Variants in DNAI7 observed in about 807,000 individuals in gnomAD.
The protein encoded by DNAI7 is cancer susceptibility 1.
DNAI7 carries 78 observed loss-of-function variants against 86.6 expected under a neutral mutation model. The observed-to-expected ratio is 0.90, with a 90% CI of 0.75 to 1.09. DNAI7 has a LOEUF of 1.09. DNAI7 is among the 50% of genes least tolerant of loss of function. The pLI is 0.00. For synonymous variants in DNAI7, 274 were observed against 273.0 expected (o/e 1.00, Z -0.04); for missense variants, 753 against 810.2 (o/e 0.93, Z 0.86).
intron 2 of DNAI7, among the ~76,000 whole-genome samples, chr12:25,173,502 G>T (rs987674480): frequency 6.6e-6 from 1 of 152,062 alleles, no homozygotes; most frequent in African/African-American, 2.4e-5. Flanking sequence ...GAAGGCAGGT[G>T]GGAATGCAAA....
Position 25,111,867 on chromosome 12 carries a change from T to C in DNAI7, c.1684A>G (p.Met562Val), listed in dbSNP as rs750110030. ...GCAATAATGAAAGGAATAGGAGTCATCCAGGTTCCTTCCAAAATAGAGATG... is the reference window on the plus strand; with the variant it reads ...GCAATAATGAAAGGAATAGGAGTCACCCAGGTTCCTTCCAAAATAGAGATG... ...KHISILEGTW[M>V]TPIPFIIALK... The change falls in exon 14 of 16, where the codon ATG (methionine) becomes GTG (valine). Residue 562 changes from methionine to valine, a missense_variant. Transcript: ENST00000395987. 3.1e-6 allele frequency: 5 copies of C among 1,607,094 alleles called. No homozygotes were observed. The South Asian group carries it at 5.5e-5, about 18-fold the overall frequency.
At chr12:25,186,226 G>T (rs1213979964) in intron 2 of DNAI7, among the ~76,000 whole-genome samples, 1 of 151,968 alleles carries the variant, frequency 6.6e-6, no homozygotes, top group Non-Finnish European at 1.5e-5. Context: ...ATAGTCTTAC[G>T]CAATTTTCTA....
intron 9 of DNAI7, among the ~76,000 whole-genome samples, chr12:25,141,292 T>A (rs1215115771): frequency 2.0e-5 from 3 of 151,732 alleles, no homozygotes; most frequent in Admixed American, 1.3e-4. Context: ...TGGGAGAAAA[T>A]CTTCACAAAC....
At chr12:25,116,961 G>T (rs1320669510) in intron 12 of DNAI7, among the ~76,000 whole-genome samples, 3 of 152,002 alleles carry the variant, frequency 2.0e-5, no homozygotes, top group African/African-American at 7.2e-5. Flanking sequence ...TTGAGACAGG[G>T]TCTCACTCTG....
Position 25,144,493 on chromosome 12 carries a change from T to A in DNAI7, c.874A>T (p.Lys292Ter). The A allele has an allele frequency of 6.2e-7, 1 of 1,614,178 alleles. No individual in the cohort carries two copies. Among genetic ancestry groups the A allele is most frequent in the Non-Finnish European group, 8.5e-7 (1 of 1,180,014 alleles). Residue 292 changes from lysine (K) to a stop codon, truncating the protein, a stop_gained, in exon 9 of 16, where the codon AAG (lysine) becomes TAG (stop). Coordinates refer to ENST00000395987, the MANE Select transcript of DNAI7 (RefSeq NM_018272.5). LOFTEE classifies it high-confidence loss of function. ...TTGCTGATTGCTTTTTCTACATTCTTAACATCATCTTTGACAAGCTCAGTT... is the reference window on the plus strand; with the variant it reads ...TTGCTGATTGCTTTTTCTACATTCTAAACATCATCTTTGACAAGCTCAGTT... ...AVTELVKDDV[K>*]NVEKAISKEV...
rs375584322 is a variant in DNAI7 at position 25,174,520 on chromosome 12, C to A, written c.22-13323G>T. Among the ~76,000 whole-genome samples, 3 of 17,368 alleles carry A rather than the reference C, an allele frequency of 1.7e-4. 1 individual carries two copies. Among genetic ancestry groups the A allele is most frequent in the East Asian group, 2.4e-3 (2 of 818 alleles). The allele number at this position is 17,368 out of a possible 152,430, so 11.4% of individuals were successfully genotyped here. On this transcript the variant is annotated intron_variant, in intron 2 of 15. Transcript: ENST00000395987. ...TCCCATATATATGGGATATATATATCATATATATCATATATATGGGATATA... is the reference window on the plus strand; with the variant it reads ...TCCCATATATATGGGATATATATATAATATATATCATATATATGGGATATA...
intron 11 of DNAI7, among the ~76,000 whole-genome samples, chr12:25,121,154 G>T (rs1188206267): frequency 6.6e-6 from 1 of 152,196 alleles, no homozygotes; most frequent in East Asian, 1.9e-4. Context: ...TTGAGGTGGG[G>T]CTCATTAATT....
At chr12:25,146,943 T>C in intron 8 of DNAI7, 58 bp downstream of exon 8, 3 of 888,446 alleles carry the variant, frequency 3.4e-6, no homozygotes, top group Admixed American at 3.6e-5. Flanking sequence ...CTGGCAATCA[T>C]GATGTGGCTC....
intron 2 of DNAI7, among the ~76,000 whole-genome samples, chr12:25,179,703 C>A (rs540331143): frequency 1.3e-5 from 2 of 151,560 alleles, no homozygotes; most frequent in Admixed American, 1.3e-4. Context: ...CCAATAGACA[C>A]AGAAAACCCT....
At chr12:25,180,972 A>G (rs1949445242) in intron 2 of DNAI7, among the ~76,000 whole-genome samples, 1 of 151,914 alleles carries the variant, frequency 6.6e-6, no homozygotes, top group Non-Finnish European at 1.5e-5. Flanking sequence ...ACGATCGGCT[A>G]ATTTTTTGTA....
chr12:25,159,105 T>C (rs11047868), intron 3 of DNAI7, among the ~76,000 whole-genome samples: 45,118 of 152,092 alleles, frequency 0.3, 7,380 homozygotes, highest in Non-Finnish European at 0.36. Flanking sequence ...CAAAGGATTA[T>C]AAATCATGCT....
intron 13 of DNAI7, among the ~76,000 whole-genome samples, chr12:25,113,023 C>T (rs1939270465): frequency 6.6e-6 from 1 of 152,104 alleles, no homozygotes; most frequent in Admixed American, 6.5e-5. Flanking sequence ...TTGTATTTTT[C>T]CATGAGTCTA....
In DNAI7 at chr12:25,108,432, A is replaced by C. The variant is rs2140300650; in HGVS notation, c.*116T>G. On this transcript the variant is annotated 3_prime_UTR_variant, in exon 16 of 16. Coordinates refer to ENST00000395987, the MANE Select transcript of DNAI7 (RefSeq NM_018272.5). Reference sequence around the variant, plus strand: ...CTTGAGTAGAAAATGCAGATTAGAAAATTTTTAATAGTTGATTTGAAATGT... The same window carrying C: ...CTTGAGTAGAAAATGCAGATTAGAACATTTTTAATAGTTGATTTGAAATGT... 2.2e-6 allele frequency: 2 copies of C among 916,314 alleles called. No individual in the cohort carries two copies. The highest frequency in any genetic ancestry group is 3.1e-6 in the Non-Finnish European group (2 of 648,646). The allele number at this position is 916,314 out of a possible 1,614,324, so 56.8% of individuals were successfully genotyped here. A position where few individuals can be genotyped will look rare whatever the true frequency, so the allele number is the denominator to read the frequency against.
chr12:25,123,253 AT>A lies in DNAI7; in HGVS notation c.1035del (p.Lys345AsnfsTer6). ...SSAEEESEAI[K>X]CEREMKVLSE... Reference sequence around the variant, plus strand: ...CTTAATACTTTCATCTCTCGTTCACATTTTATGGCTTCAGATTCTTCCTCAG... The same window carrying A: ...CTTAATACTTTCATCTCTCGTTCACATTTATGGCTTCAGATTCTTCCTCAG... On this transcript the variant is annotated frameshift_variant, in exon 10 of 16. Coordinates refer to ENST00000395987, the MANE Select transcript of DNAI7 (RefSeq NM_018272.5). LOFTEE classifies it high-confidence loss of function. The A allele has an allele frequency of 6.2e-7, 1 of 1,607,860 alleles. No homozygotes were observed.
chr12:25,115,462 T>A (rs1939886695), intron 12 of DNAI7, among the ~76,000 whole-genome samples: 1 of 152,176 alleles, frequency 6.6e-6, no homozygotes, highest in African/African-American at 2.4e-5. Context: ...CTGTAGGTGG[T>A]CTTTTGTATC....
chr12:25,169,724 C>A (rs1024220253), intron 2 of DNAI7, among the ~76,000 whole-genome samples: 8 of 151,470 alleles, frequency 5.3e-5, no homozygotes, highest in Admixed American at 5.3e-4. Flanking sequence ...GGCATGCACC[C>A]GTGATCCCAG....
At chr12:25,155,975 T>C (rs1458673192) in intron 4 of DNAI7, among the ~76,000 whole-genome samples, 1 of 152,026 alleles carries the variant, frequency 6.6e-6, no homozygotes, top group Non-Finnish European at 1.5e-5. Flanking sequence ...TATGGTGGCG[T>C]GTGCCTGTAA....
At chr12:25,121,938 T>G (rs1408964236) in intron 10 of DNAI7, 25 bp from the exon 11 acceptor site, 1 of 1,473,154 alleles carries the variant, frequency 6.8e-7, no homozygotes, top group Non-Finnish European at 9.1e-7. Flanking sequence ...ATTAACAGTT[T>G]TCAAATAGAT....
In DNAI7 at chr12:25,144,354, ATG is replaced by A; in HGVS notation, c.1002+9_1002+10del. On this transcript the variant is annotated intron_variant, in intron 9 of 15. Coordinates refer to ENST00000395987, the MANE Select transcript of DNAI7 (RefSeq NM_018272.5). ...TGAATAAAAAAATGTGTATATTTAA[ATG>A]TGTCCTACCATTTTCACTTCAATAT... 8 of 1,599,602 alleles carry A rather than the reference ATG, an allele frequency of 5.0e-6. No individual in the cohort carries two copies. The highest frequency in any genetic ancestry group is 6.8e-6 in the Non-Finnish European group (8 of 1,168,988).
Sources: allele counts gnomAD v4.1 joint callset (sites outside exome capture counted in the v4.1 genomes callset), GRCh38; gene constraint gnomAD v4.1.1; transcripts MANE v1.5; gene names NCBI Gene and HGNC (gene_info 2026-07-23, HGNC 2026-07-21).